Variants in TAF5 observed in about 807,000 individuals in gnomAD.
TAF5 encodes transcription initiation factor TFIID subunit 5.
TAF5 carries 20 observed loss-of-function variants against 80.9 expected under a neutral mutation model. That is an observed-to-expected ratio of 0.25 (90% CI 0.17 to 0.36). The LOEUF (loss-of-function observed/expected upper bound fraction) is 0.36. TAF5 is among the 10% of genes least tolerant of loss of function. The pLI is 1.00. For synonymous variants in TAF5, 388 were observed against 406.4 expected, an observed-to-expected ratio of 0.95 and a Z score of 0.55; for missense variants, 863 against 1,029.4, an observed-to-expected ratio of 0.84 and a Z score of 2.21.
At chr10:103,370,725 G>A (rs1033268570) in intron 1 of TAF5, among the ~76,000 whole-genome samples, 6 of 152,066 alleles carry the variant, frequency 3.9e-5, no homozygotes, top group Non-Finnish European at 7.4e-5. Context: ...CTTTCTCCCA[G>A]CAACTGTTGT....
At position 103,368,596 on chromosome 10, in the gene TAF5, A is replaced by T. The variant is rs768405411; in HGVS notation, c.559+48A>T. 1.0e-5 allele frequency: 15 copies of T among 1,448,872 alleles called. No homozygotes were observed. In the South Asian group the frequency reaches 2.0e-4, roughly 20 times the overall value. 89.8% of individuals were successfully genotyped at this position (1,448,872 alleles called of 1,614,324 possible). On this transcript the variant is annotated intron_variant, in intron 1 of 10. Transcript: ENST00000369839. ...GGTACGGCCGCCGCGAAGGGGAGCAAGCCGGTAAGGCAGGGGCTGGCAGGC... is the reference window on the plus strand; with the variant it reads ...GGTACGGCCGCCGCGAAGGGGAGCATGCCGGTAAGGCAGGGGCTGGCAGGC...
intron 8 of TAF5, 76 bp from the exon 9 acceptor site, chr10:103,387,095 GTATT>G: frequency 1.4e-6 from 2 of 1,393,296 alleles, no homozygotes; most frequent in Non-Finnish European, 1.9e-6. Flanking sequence ...GGATGTTTCT[GTATT>G]TATTTTGTAT....
At position 103,387,683 on chromosome 10, in the gene TAF5, G is replaced by A. The variant is rs1770590350; in HGVS notation, c.2170G>A (p.Glu724Lys). 1.2e-6 allele frequency: 2 copies of A among 1,610,536 alleles called. No individual in the cohort carries two copies. Among genetic ancestry groups the A allele is most frequent in the South Asian group, 2.2e-5 (2 of 90,746 alleles). Residue 724 changes from glutamate (E) to lysine (K), a missense_variant, in exon 10 of 11, where the codon GAA becomes AAA. Glu to Lys is a moderately conservative substitution (Grantham distance 56). Around this residue, in one of 3 missense-constraint regions of TAF5, gnomAD observed 368 missense variants for 461.7 expected, o/e 0.80. Coordinates refer to ENST00000369839, the MANE Select transcript of TAF5 (RefSeq NM_006951.5). ...TTCACTTAGGTTTAGTAGAGATGGT[G>A]AAATTTTGGCATCAGGTAAATGACT... ...VCSLRFSRDG[E>K]ILASGSMDNT...
chr10:103,387,846 T>A, intron 10 of TAF5, 148 bp downstream of exon 10: 2 of 1,121,848 alleles, frequency 1.8e-6, no homozygotes, highest in Non-Finnish European at 1.3e-6. Flanking sequence ...CTTCTCAGGT[T>A]AAAGTACTGC....
chr10:103,383,671 T>C (rs1490358307), intron 7 of TAF5, among the ~76,000 whole-genome samples: 2 of 150,432 alleles, frequency 1.3e-5, no homozygotes, highest in African/African-American at 4.9e-5. Context: ...CTCCGCCTCC[T>C]GGGTTCAAGC....
In TAF5 at chr10:103,368,338, C is replaced by T. The variant is rs1355302535; in HGVS notation, c.349C>T (p.Arg117Cys). 1 of 1,579,494 alleles carries T rather than the reference C, an allele frequency of 6.3e-7. No homozygotes were observed. The highest frequency in any genetic ancestry group is 1.8e-5 in the Admixed American group (1 of 56,566). The part of the protein sequence containing the change: ...SKLREAEEAL[R>C]REAGLLEEAV... The stretch of plus-strand genomic sequence containing the variant: ...ACTCCGCGAGGCCGAAGAGGCGCTG[C>T]GCCGTGAGGCCGGGCTGCTGGAGGA... Residue 117 changes from arginine to cysteine, a missense_variant, in exon 1 of 11, where the codon CGC becomes TGC. Transcript: ENST00000369839.
chr10:103,380,735 C>T (rs1230380337), intron 5 of TAF5, among the ~76,000 whole-genome samples: 2 of 151,432 alleles, frequency 1.3e-5, no homozygotes, highest in Non-Finnish European at 2.9e-5. Flanking sequence ...GTGCCTCAGC[C>T]TCGGCCTCCT....
At chr10:103,372,062 G>A (rs989964993) in intron 1 of TAF5, among the ~76,000 whole-genome samples, 1 of 150,786 alleles carries the variant, frequency 6.6e-6, no homozygotes, top group Non-Finnish European at 1.5e-5. Flanking sequence ...TTTGCCTCCC[G>A]AGTAGCTGGG....
chr10:103,385,925 C>CAAA (rs761128565), intron 8 of TAF5, among the ~76,000 whole-genome samples: 11 of 41,200 alleles, frequency 2.7e-4, no homozygotes, highest in Admixed American at 3.6e-4. Context: ...GACTTCATCT[C>CAAA]AAAAAAAAAA....
At chr10:103,376,206 C>T (rs1376403571) in intron 2 of TAF5, among the ~76,000 whole-genome samples, 2 of 152,040 alleles carry the variant, frequency 1.3e-5, no homozygotes, top group East Asian at 2.0e-4. Context: ...ATTCTCCTGC[C>T]TCAGCCTCCC....
intron 2 of TAF5, among the ~76,000 whole-genome samples, chr10:103,373,906 G>T (rs1444659609): frequency 6.6e-6 from 1 of 152,158 alleles, no homozygotes; most frequent in Non-Finnish European, 1.5e-5. Context: ...GATCCTGGTA[G>T]GTACAGAGGC....
Position 103,368,261 on chromosome 10 carries a change from C to A in TAF5, c.272C>A (p.Pro91Gln). ...GCCGCTGCTCCGGACGCCGGCGCTC[C>A]GCATGACCGACAGACTCTACTGGCC... ...VPAAAPDAGAPHDRQTLLAVL... is the reference protein window; with the variant it reads ...VPAAAPDAGAQHDRQTLLAVL... The change falls in exon 1 of 11, where the codon CCG (proline) becomes CAG (glutamine). Residue 91 changes from proline (P) to glutamine (Q), a missense_variant. Pro to Gln is a moderately conservative substitution (Grantham distance 76, BLOSUM62 -1). This residue lies in a region of TAF5 where 367 missense variants were observed against 335.5 expected (regional missense o/e 1.09). Coordinates refer to ENST00000369839, the MANE Select transcript of TAF5 (RefSeq NM_006951.5). 6 of 1,540,008 alleles carry A rather than the reference C, an allele frequency of 3.9e-6. No individual in the cohort carries two copies. In the South Asian group the frequency reaches 5.9e-5, roughly 15 times the overall value.
rs1453045969 is a variant in TAF5, at chr10:103,385,390, T to A, written c.1729T>A (p.Cys577Ser). The change falls in exon 8 of 11, where the codon TGT becomes AGT. Residue 577 changes from cysteine (C) to serine (S), a missense_variant. By Grantham distance (112) the Cys-to-Ser change is moderately radical. Coordinates refer to ENST00000369839, the MANE Select transcript of TAF5 (RefSeq NM_006951.5). ...VRLWSLQTFT[C>S]LVGYKGHNYP... ...ATTGTGGAGCCTTCAAACATTTACT[T>A]GTTTGGTGGGATATAAAGGACACAA... The A allele has an allele frequency of 6.2e-7, 1 of 1,613,842 alleles. No homozygotes were observed. Among genetic ancestry groups the A allele is most frequent in the Non-Finnish European group, 8.5e-7 (1 of 1,179,896 alleles).
Position 103,368,066 on chromosome 10 carries a change from C to T in TAF5, c.77C>T (p.Pro26Leu), listed in dbSNP as rs1201365017. ...EPEGPPTLLP[P>L]QAGDGAGEGS... is the part of the protein sequence containing the mutation. ...GAGGGACCGCCAACGCTGCTACCTCCGCAGGCGGGGGACGGCGCAGGCGAG... is the reference window on the plus strand; with the variant it reads ...GAGGGACCGCCAACGCTGCTACCTCTGCAGGCGGGGGACGGCGCAGGCGAG... Residue 26 changes from proline to leucine, a missense_variant, in exon 1 of 11, where the codon CCG becomes CTG. Physicochemically the swap from Pro to Leu is moderately conservative, Grantham distance 98. This residue lies in a region of TAF5 where 367 missense variants were observed against 335.5 expected (regional missense o/e 1.09). Coordinates refer to ENST00000369839, the MANE Select transcript of TAF5 (RefSeq NM_006951.5). 7.0e-7 allele frequency: 1 copy of T among 1,431,662 alleles called. No homozygotes were observed. The highest frequency in any genetic ancestry group is 9.1e-7 in the Non-Finnish European group (1 of 1,094,564). The allele number at this position is 1,431,662 out of a possible 1,614,324, so 88.7% of individuals were successfully genotyped here.
Position 103,388,337 on chromosome 10 carries a change from C to T in TAF5, c.*114C>T. ...AGAGAATGTTTTTGTCTATATGGAT[C>T]TGGAAGTATGCTGCTTGGAAAAATC... On this transcript the variant is annotated 3_prime_UTR_variant, in exon 11 of 11. Coordinates refer to ENST00000369839, the MANE Select transcript of TAF5 (RefSeq NM_006951.5). 1 of 922,450 alleles carries T rather than the reference C, an allele frequency of 1.1e-6. No individual in the cohort carries two copies. Among genetic ancestry groups the T allele is most frequent in the Non-Finnish European group, 1.6e-6 (1 of 622,242 alleles). The allele number at this position is 922,450 out of a possible 1,614,324, so 57.1% of individuals were successfully genotyped here.
In TAF5 at chr10:103,381,817, C is replaced by T. The variant is rs1752138859; in HGVS notation, c.1510C>T (p.Leu504Phe). ...AGTGTGGTCGGTAACACCCAAAAAGCTTCGTAGTGTCAAACAAGCATCAGG... is the reference window on the plus strand; with the variant it reads ...AGTGTGGTCGGTAACACCCAAAAAGTTTCGTAGTGTCAAACAAGCATCAGG... ...VRVWSVTPKKLRSVKQASDLS... is the reference protein window; with the variant it reads ...VRVWSVTPKKFRSVKQASDLS... The change falls in exon 6 of 11, where the codon CTT becomes TTT. Residue 504 changes from leucine (L) to phenylalanine (F), a missense_variant. By Grantham distance (22) the Leu-to-Phe change is conservative. Around this residue, in one of 3 missense-constraint regions of TAF5, gnomAD observed 368 missense variants for 461.7 expected, o/e 0.80. Coordinates refer to ENST00000369839, the MANE Select transcript of TAF5 (RefSeq NM_006951.5). 6.2e-7 allele frequency: 1 copy of T among 1,614,060 alleles called. No individual in the cohort carries two copies. The highest frequency in any genetic ancestry group is 1.3e-5 in the African/African-American group (1 of 74,938).
chr10:103,368,438 G>C lies in TAF5; in HGVS notation c.449G>C (p.Arg150Pro), dbSNP rs1293272693. 9 of 1,577,988 alleles carry C rather than the reference G, an allele frequency of 5.7e-6. No individual in the cohort carries two copies. The highest frequency in any genetic ancestry group is 7.7e-6 in the Non-Finnish European group (9 of 1,171,428). Residue 150 changes from arginine (R) to proline (P), a missense_variant, in exon 1 of 11, where the codon CGG becomes CCG. Physicochemically the swap from Arg to Pro is moderately radical, Grantham distance 103 (BLOSUM62 -2). Transcript: ENST00000369839. The stretch of plus-strand genomic sequence containing the variant: ...GAGGTGACCAGCGCGCTTCTCAGCC[G>C]GGTGACCGCCTCGGCCCCTGGCCCT... ...GAEVTSALLS[R>P]VTASAPGPAA...
chr10:103,382,313 G>A (rs1330982112), intron 6 of TAF5, among the ~76,000 whole-genome samples: 1 of 152,134 alleles, frequency 6.6e-6, no homozygotes, highest in Admixed American at 6.5e-5. Flanking sequence ...TACCTCCCAG[G>A]TTCAAGGGAT....
At chr10:103,387,836 CT>C (rs1440178348) in intron 10 of TAF5, 138 bp downstream of exon 10, 2 of 1,119,746 alleles carry the variant, frequency 1.8e-6, no homozygotes, top group African/African-American at 3.1e-5. Flanking sequence ...ACATCAATCA[CT>C]TCTCAGGTTA....
Sources: gnomAD v4.1 joint callset for allele counts (sites outside exome capture counted in the v4.1 genomes callset) on GRCh38, gnomAD v4.1.1 for gene constraint, gnomAD v4.1.1 regional missense constraint, MANE v1.5 for transcripts, NCBI Gene and HGNC (gene_info 2026-07-23, HGNC 2026-07-21) for gene names.